Variants in TMEM178B observed in about 807,000 individuals in gnomAD.
TMEM178B encodes transmembrane protein 178B.
Under a neutral mutation model 31.0 loss-of-function variants are expected in TMEM178B, and 5 were observed. The ratio of observed to expected loss-of-function variants is 0.16; its 90% CI spans 0.08 to 0.34. TMEM178B has a LOEUF of 0.34. Among genes scored for constraint, TMEM178B ranks in the 10% least tolerant of loss-of-function variants. The pLI, the probability that TMEM178B is intolerant of heterozygous loss-of-function variation, is 1.00. For synonymous variants in TMEM178B, 164 were observed against 164.0 expected, an observed-to-expected ratio of 1.00 and a Z score of 0.00; for missense variants, 275 against 400.3, an observed-to-expected ratio of 0.69 and a Z score of 2.67.
intron 1 of TMEM178B, among the ~76,000 whole-genome samples, chr7:141,206,260 C>T (rs1398131932): frequency 6.6e-6 from 1 of 152,130 alleles, no homozygotes; most frequent in African/African-American, 2.4e-5. Flanking sequence ...CCCATGTCTC[C>T]CTTTGCCACC....
intron 2 of TMEM178B, among the ~76,000 whole-genome samples, chr7:141,423,808 T>G (rs1321253649): frequency 4.8e-5 from 7 of 145,788 alleles, no homozygotes; most frequent in African/African-American, 1.0e-4. Flanking sequence ...CATTTGTGTT[T>G]TTTTTTTTTT....
At chr7:141,276,591 G>C (rs1798269914) in intron 2 of TMEM178B, among the ~76,000 whole-genome samples, 1 of 152,046 alleles carries the variant, frequency 6.6e-6, no homozygotes, top group Admixed American at 6.5e-5. Flanking sequence ...GCAGCAGCAT[G>C]GGGGTAGCTG....
intron 1 of TMEM178B, among the ~76,000 whole-genome samples, chr7:141,170,489 C>T (rs1004795775): frequency 1.3e-4 from 20 of 152,072 alleles, no homozygotes; most frequent in African/African-American, 4.8e-4. Flanking sequence ...ATAGTGTTCA[C>T]CTGTAGATGG....
At position 141,475,350 on chromosome 7, in the gene TMEM178B, A is replaced by G. The variant is rs563145348; in HGVS notation, c.*4564A>G. 6.6e-6 allele frequency: 1 copy of G among 152,352 alleles called. No individual in the cohort carries two copies. Among genetic ancestry groups the G allele is most frequent in the African/African-American group, 2.4e-5 (1 of 41,578 alleles). The allele number at this position is 152,352 out of a possible 1,614,324, so 9.4% of individuals were successfully genotyped here. A position where few individuals can be genotyped will look rare whatever the true frequency, so the allele number is the denominator to read the frequency against. On this transcript the variant is annotated 3_prime_UTR_variant, in exon 4 of 4. Coordinates refer to ENST00000565468, the MANE Select transcript of TMEM178B (RefSeq NM_001195278.2). ...TTCATTGATGCTGCCATGATGCAAA[A>G]TGTTTCTTAAACATTATTCCTGGTT...
chr7:141,299,593 C>T (rs1798690345), intron 2 of TMEM178B, among the ~76,000 whole-genome samples: 1 of 152,176 alleles, frequency 6.6e-6, no homozygotes, highest in Non-Finnish European at 1.5e-5. Context: ...GGTTCCCTAA[C>T]ACCCTTCTCT....
At chr7:141,214,134 G>T (rs1797093925) in intron 2 of TMEM178B, among the ~76,000 whole-genome samples, 1 of 152,194 alleles carries the variant, frequency 6.6e-6, no homozygotes, top group Non-Finnish European at 1.5e-5. Flanking sequence ...ATATACAATA[G>T]CTGCTTATTT....
chr7:141,465,991 C>G (rs1359053555), intron 3 of TMEM178B, among the ~76,000 whole-genome samples: 1 of 152,194 alleles, frequency 6.6e-6, no homozygotes, highest in African/African-American at 2.4e-5. Context: ...CCACTGCACT[C>G]TAGTCTGGGC....
At chr7:141,510,900 G>A in the TMEM178B span, among the ~76,000 whole-genome samples, 1 of 151,990 alleles carries the variant, frequency 6.6e-6, no homozygotes, top group Non-Finnish European at 1.5e-5. Flanking sequence ...TGACAACTGG[G>A]GGTACATGGA....
chr7:141,143,986 G>T (rs978518189), intron 1 of TMEM178B, among the ~76,000 whole-genome samples: 4 of 152,050 alleles, frequency 2.6e-5, no homozygotes, highest in African/African-American at 7.2e-5. Context: ...TGCAGCTATT[G>T]TAAATGGGAT....
At chr7:141,199,218 A>T (rs1796835853) in intron 1 of TMEM178B, among the ~76,000 whole-genome samples, 1 of 152,210 alleles carries the variant, frequency 6.6e-6, no homozygotes, top group Non-Finnish European at 1.5e-5. Context: ...ATGCAGGAAA[A>T]AAGGAATTAG....
At chr7:141,357,229 T>G (rs1799835660) in intron 2 of TMEM178B, among the ~76,000 whole-genome samples, 1 of 152,206 alleles carries the variant, frequency 6.6e-6, no homozygotes, top group Non-Finnish European at 1.5e-5. Context: ...GACAAATTTG[T>G]CCAAATCCCT....
intron 1 of TMEM178B, among the ~76,000 whole-genome samples, chr7:141,102,506 G>C (rs770451124): frequency 1.3e-5 from 2 of 152,176 alleles, no homozygotes; most frequent in Non-Finnish European, 2.9e-5. Context: ...GTGTTTGGCA[G>C]TGGTGTTGCC....
chr7:141,327,393 T>C (rs1332387779), intron 2 of TMEM178B, among the ~76,000 whole-genome samples: 1 of 152,194 alleles, frequency 6.6e-6, no homozygotes, highest in Admixed American at 6.5e-5. Context: ...TATTCCTTGT[T>C]CCCACACATG....
At chr7:141,117,700 AG>A (rs1795341733) in intron 1 of TMEM178B, among the ~76,000 whole-genome samples, 1 of 152,196 alleles carries the variant, frequency 6.6e-6, no homozygotes, top group Non-Finnish European at 1.5e-5. Context: ...GGTGTAAGGA[AG>A]GGGTCCAGTT....
At chr7:141,288,343 A>AT (rs1027943718) in intron 2 of TMEM178B, among the ~76,000 whole-genome samples, 3 of 151,566 alleles carry the variant, frequency 2.0e-5, no homozygotes, top group Non-Finnish European at 4.4e-5. Flanking sequence ...TTTTCCATTC[A>AT]TTTTTTTCTC....
At chr7:141,305,576 T>G (rs1393753062) in intron 2 of TMEM178B, among the ~76,000 whole-genome samples, 1 of 151,936 alleles carries the variant, frequency 6.6e-6, no homozygotes, top group Non-Finnish European at 1.5e-5. Context: ...TACAGGCGAG[T>G]GCCACCATGC....
At chr7:141,280,500 C>A (rs113092056) in intron 2 of TMEM178B, among the ~76,000 whole-genome samples, 1 of 152,132 alleles carries the variant, frequency 6.6e-6, no homozygotes, top group Non-Finnish European at 1.5e-5. Context: ...TTCTATCTTG[C>A]CTGCTGCTGT....
chr7:141,170,579 A>C (rs1796332190), intron 1 of TMEM178B, among the ~76,000 whole-genome samples: 1 of 152,220 alleles, frequency 6.6e-6, no homozygotes. Flanking sequence ...TACAAAGGTC[A>C]GCTGTTACCG....
chr7:141,298,299 C>T (rs538988080), intron 2 of TMEM178B, among the ~76,000 whole-genome samples: 7 of 152,260 alleles, frequency 4.6e-5, no homozygotes, highest in East Asian at 3.9e-4. Flanking sequence ...TTCTCCCATT[C>T]TGTAGGTTGC....
Sources: allele counts gnomAD v4.1 joint callset (sites outside exome capture counted in the v4.1 genomes callset), GRCh38; gene constraint gnomAD v4.1.1; transcripts MANE v1.5; gene names NCBI Gene and HGNC (gene_info 2026-07-23, HGNC 2026-07-21).